The following GNA14 variants were observed in gnomAD, a reference collection of about 807,000 sequenced individuals.
GNA14 encodes the protein guanine nucleotide-binding protein subunit alpha-14.
GNA14 carries 50 observed loss-of-function variants against 42.0 expected under a neutral mutation model. The observed-to-expected ratio is 1.19, with a 90% CI of 0.95 to 1.51. GNA14 has a LOEUF of 1.51. Among genes scored for constraint, GNA14 ranks in the 40% most tolerant of loss-of-function variants. The pLI is 0.00. For missense variants in GNA14, 473 were observed against 446.2 expected (o/e 1.06, Z -0.54); for synonymous variants, 173 against 163.1 (o/e 1.06, Z -0.46).
intron 2 of GNA14, among the ~76,000 whole-genome samples, chr9:77,527,251 G>A (rs530486079): frequency 6.6e-6 from 1 of 152,218 alleles, no homozygotes; most frequent in East Asian, 1.9e-4. Context: ...ATTAGAAAGG[G>A]TAAGTAAAAA....
At chr9:77,425,784 C>A in intron 5 of GNA14, 69 bp from the exon 6 acceptor site, 1 of 1,093,264 alleles carries the variant, frequency 9.1e-7, no homozygotes, top group Non-Finnish European at 1.3e-6. Context: ...TGGCGCATTG[C>A]CAGTCCATCC....
chr9:77,468,769 G>A (rs917308091), intron 2 of GNA14, among the ~76,000 whole-genome samples: 1 of 152,164 alleles, frequency 6.6e-6, no homozygotes, highest in Non-Finnish European at 1.5e-5. Flanking sequence ...GAACATCTTT[G>A]TTATCCCAGG....
At chr9:77,638,229 A>G (rs562196901) in intron 1 of GNA14, among the ~76,000 whole-genome samples, 5 of 152,358 alleles carry the variant, frequency 3.3e-5, no homozygotes, top group Admixed American at 1.3e-4. Flanking sequence ...AGGTGCCAGG[A>G]TACAGGAACA....
chr9:77,505,299 T>C (rs1017091594), intron 2 of GNA14, among the ~76,000 whole-genome samples: 1 of 152,210 alleles, frequency 6.6e-6, no homozygotes, highest in Non-Finnish European at 1.5e-5. Flanking sequence ...TAAATAAACT[T>C]GGCAAAGGCT....
intron 1 of GNA14, among the ~76,000 whole-genome samples, chr9:77,630,649 T>A (rs1824083281): frequency 6.6e-6 from 1 of 152,232 alleles, no homozygotes; most frequent in East Asian, 1.9e-4. Flanking sequence ...CCTTTAATTT[T>A]TATATGCAAA....
intron 5 of GNA14, among the ~76,000 whole-genome samples, chr9:77,427,689 A>G (rs960119876): frequency 2.4e-5 from 3 of 124,204 alleles, no homozygotes; most frequent in Non-Finnish European, 3.6e-5. Context: ...CTCTCAGGGC[A>G]GCTCCCACTG....
intron 1 of GNA14, among the ~76,000 whole-genome samples, chr9:77,548,515 T>A (rs760234126): frequency 6.6e-6 from 1 of 152,150 alleles, no homozygotes; most frequent in Non-Finnish European, 1.5e-5. Context: ...GGGTCAACAC[T>A]CTTAAATTGG....
intron 1 of GNA14, among the ~76,000 whole-genome samples, chr9:77,542,147 C>A (rs1445887682): frequency 6.6e-6 from 1 of 152,054 alleles, no homozygotes; most frequent in Admixed American, 6.6e-5. Context: ...GTGTAACAGT[C>A]CAAGTTTTTG....
At chr9:77,469,549 T>G (rs184504088) in intron 2 of GNA14, among the ~76,000 whole-genome samples, 3 of 141,348 alleles carry the variant, frequency 2.1e-5, no homozygotes, top group Non-Finnish European at 4.6e-5. Context: ...AAAAAAAAAG[T>G]CTGGTTAAAG....
intron 1 of GNA14, among the ~76,000 whole-genome samples, chr9:77,533,574 C>T (rs80272050): frequency 0.037 from 5,623 of 152,302 alleles, 160 homozygotes; most frequent in Non-Finnish European, 0.054. Context: ...GGAAGGCACC[C>T]TGGCCAGTAA....
intron 1 of GNA14, among the ~76,000 whole-genome samples, chr9:77,644,618 T>C (rs1824326565): frequency 6.6e-6 from 1 of 152,042 alleles, no homozygotes; most frequent in African/African-American, 2.4e-5. Context: ...TGTGAGAAAA[T>C]TAATTTCCTT....
chr9:77,551,394 C>A (rs886912346), intron 1 of GNA14, among the ~76,000 whole-genome samples: 6 of 152,120 alleles, frequency 3.9e-5, no homozygotes, highest in Non-Finnish European at 8.8e-5. Context: ...ATAAACTCAT[C>A]CCCATCCACG....
chr9:77,462,732 T>TGGGGGGGGTG (rs55993140), intron 2 of GNA14, among the ~76,000 whole-genome samples: 1 of 100,198 alleles, frequency 1.0e-5, no homozygotes, highest in African/African-American at 4.1e-5. Context: ...GGGCGGGGGG[T>TGGGGGGGGTG]GGGGGGGTGG....
chr9:77,541,289 G>A (rs570201384), intron 1 of GNA14, among the ~76,000 whole-genome samples: 277 of 152,252 alleles, frequency 1.8e-3, no homozygotes, highest in Middle Eastern at 6.8e-3. Context: ...CTTTATTTAT[G>A]AAGAGTAATT....
In GNA14 at chr9:77,638,012, C is replaced by T. The variant is rs376214785; in HGVS notation, c.124+9658G>A. 1.3e-3 allele frequency among the ~76,000 whole-genome samples: 195 copies of T among 145,410 alleles called. 1 individual carries two copies. Among genetic ancestry groups the T allele is most frequent in the African/African-American group, 4.7e-3 (180 of 38,036 alleles). On this transcript the variant is annotated intron_variant, in intron 1 of 6. Transcript: ENST00000341700. ...TGTAGTCTTATAGTGAAGTAATTAA[C>T]GACTCTCTCTCTGAATAATCATGAG...
intron 1 of GNA14, among the ~76,000 whole-genome samples, chr9:77,585,331 G>A (rs1823286559): frequency 6.6e-6 from 1 of 152,136 alleles, no homozygotes; most frequent in Admixed American, 6.6e-5. Context: ...CAAACACAGA[G>A]TTGAAGTTTC....
At chr9:77,631,004 T>C (rs896600044) in intron 1 of GNA14, among the ~76,000 whole-genome samples, 2 of 152,212 alleles carry the variant, frequency 1.3e-5, no homozygotes, top group African/African-American at 4.8e-5. Context: ...GATATATTGT[T>C]GAGTATCAAG....
At chr9:77,590,018 G>A (rs1021771761) in intron 1 of GNA14, among the ~76,000 whole-genome samples, 1 of 152,154 alleles carries the variant, frequency 6.6e-6, no homozygotes, top group Non-Finnish European at 1.5e-5. Flanking sequence ...CCAGGTTCAA[G>A]TGATTCTCCT....
intron 1 of GNA14, among the ~76,000 whole-genome samples, chr9:77,579,296 C>T (rs1339356075): frequency 6.6e-6 from 1 of 152,142 alleles, no homozygotes; most frequent in Non-Finnish European, 1.5e-5. Flanking sequence ...CCAACAAACA[C>T]CCATACCCAC....
Sources: allele counts gnomAD v4.1 joint callset (sites outside exome capture counted in the v4.1 genomes callset), GRCh38; gene constraint gnomAD v4.1.1; transcripts MANE v1.5; gene names NCBI Gene and HGNC (gene_info 2026-07-23, HGNC 2026-07-21).